Variants in SLC2A6 observed in about 807,000 individuals in gnomAD.
SLC2A6 encodes solute carrier family 2, facilitated glucose transporter member 6.
A neutral mutation model predicts 47.8 loss-of-function variants in SLC2A6; 39 were observed. That is an observed-to-expected ratio of 0.82 (90% CI 0.63 to 1.07). The LOEUF is 1.07. Ranked by LOEUF, SLC2A6 falls within the 50% of genes least tolerant of loss-of-function variation. SLC2A6 has a pLI of 0.00. For missense variants in SLC2A6, 650 were observed against 707.6 expected, an observed-to-expected ratio of 0.92 and a Z score of 0.92; for synonymous variants, 346 against 324.1, an observed-to-expected ratio of 1.07 and a Z score of -0.73.
chr9:133,471,780 T>A lies in SLC2A6; in HGVS notation c.*241A>T. ...TCCCTGGATGCAGGGTTGTATGCAC[T>A]CCTGCGGCCCATGGCTACGTGCAGC... On this transcript the variant is annotated 3_prime_UTR_variant, in exon 10 of 10. Transcript: ENST00000371899. 2.0e-6 allele frequency: 1 copy of A among 506,552 alleles called. No individual in the cohort carries two copies. The highest frequency in any genetic ancestry group is 3.5e-6 in the Non-Finnish European group (1 of 282,406). 31.4% of individuals were successfully genotyped at this position (506,552 alleles called of 1,614,324 possible).
chr9:133,474,131 T>G, intron 6 of SLC2A6, 43 bp from the exon 7 acceptor site: 5 of 1,468,496 alleles, frequency 3.4e-6, no homozygotes, highest in South Asian at 1.2e-5. Context: ...CTGCCTGCTG[T>G]TCCCATCCCC....
In SLC2A6 at chr9:133,477,084, C is replaced by A; in HGVS notation, c.413G>T (p.Gly138Val). Residue 138 changes from glycine to valine, a missense_variant, in exon 3 of 10, where the codon GGA becomes GTA. Physicochemically the swap from Gly to Val is moderately radical, Grantham distance 109. Coordinates refer to ENST00000371899, the MANE Select transcript of SLC2A6 (RefSeq NM_017585.4). ...GAHGLWMLLL[G>V]RTLTGFAGGL... ...CCCGGCGAAGCCCGTCAGCGTCCTT[C>A]CGAGCAGCAGCATCCAGAGGCCGTG... The A allele has an allele frequency of 6.5e-7, 1 of 1,546,668 alleles. No individual in the cohort carries two copies. The highest frequency in any genetic ancestry group is 8.7e-7 in the Non-Finnish European group (1 of 1,146,080).
chr9:133,472,025 C>T lies in SLC2A6; in HGVS notation c.1520G>A (p.Arg507His), dbSNP rs370809335. 28 of 1,612,322 alleles carry T rather than the reference C, an allele frequency of 1.7e-5. No individual in the cohort carries two copies. The highest frequency in any genetic ancestry group is 4.5e-5 in the East Asian group (2 of 44,852). The change falls in exon 10 of 10, where the codon CGC (arginine) becomes CAC (histidine). Residue 507 changes from arginine to histidine, a missense_variant. Coordinates refer to ENST00000371899, the MANE Select transcript of SLC2A6 (RefSeq NM_017585.4). ...CCTCCAGGCGGGGACCTTGACCTAG[C>T]GCAAGAAGGACCTTCTCCCCGTGCG... is the stretch of plus-strand genomic sequence containing the variant. The part of the protein sequence containing the change: ...FFRTGRRSFL[R>H]
At chr9:133,475,333 C>A in intron 5 of SLC2A6, 67 bp downstream of exon 5, 1 of 1,483,208 alleles carries the variant, frequency 6.7e-7, no homozygotes, top group East Asian at 2.3e-5. Context: ...GGAAAAGCCT[C>A]CACGGCCACA....
Position 133,475,440 on chromosome 9 carries a change from T to C in SLC2A6, c.734A>G (p.His245Arg), listed in dbSNP as rs781854256. 4 of 1,611,276 alleles carry C rather than the reference T, an allele frequency of 2.5e-6. No individual in the cohort carries two copies. Among genetic ancestry groups the C allele is most frequent in the South Asian group, 1.1e-5 (1 of 91,002 alleles). Residue 245 changes from histidine (H) to arginine (R), a missense_variant, in exon 5 of 10, where the codon CAC (histidine) becomes CGC (arginine). By Grantham distance (29) the His-to-Arg change is conservative (BLOSUM62 0). Coordinates refer to ENST00000371899, the MANE Select transcript of SLC2A6 (RefSeq NM_017585.4). ...GTCCTGGATCTGCTCGAACTCCCAG[T>C]GGACATCGACGTCCGTCCCACGCAG... ...AWLRGTDVDV[H>R]WEFEQIQDNV... is the part of the protein sequence containing the mutation.
intron 9 of SLC2A6, 76 bp downstream of exon 9, chr9:133,473,029 C>T (rs1843789476): frequency 2.0e-6 from 3 of 1,471,626 alleles, no homozygotes; most frequent in South Asian, 1.4e-5. Flanking sequence ...GGCCTTGGCA[C>T]AGCCCCTGGC....
intron 4 of SLC2A6, 145 bp from the exon 5 acceptor site, chr9:133,475,756 G>C: frequency 2.7e-6 from 2 of 751,946 alleles, no homozygotes; most frequent in Non-Finnish European, 4.2e-6. Flanking sequence ...GCCCCAGGCA[G>C]GGTGGGGCTG....
chr9:133,477,219 G>A lies in SLC2A6; in HGVS notation c.278C>T (p.Ala93Val), dbSNP rs1342905345. 9.7e-6 allele frequency: 15 copies of A among 1,550,798 alleles called. No individual in the cohort carries two copies. Among genetic ancestry groups the A allele is most frequent in the African/African-American group, 2.7e-5 (2 of 73,060 alleles). Residue 93 changes from alanine (A) to valine (V), a missense_variant, in exon 3 of 10, where the codon GCG (alanine) becomes GTG (valine). Transcript: ENST00000371899. ...WFGSVFTLGAAAGGLSAMILN... is the reference protein window; with the variant it reads ...WFGSVFTLGAVAGGLSAMILN... ...GATCATGGCACTCAGGCCTCCGGCC[G>A]CTGCTCCCAGGGTGAACACGGACTG... is the stretch of plus-strand genomic sequence containing the variant.
At chr9:133,476,426 G>A (rs782623278) in intron 3 of SLC2A6, 90 bp from the exon 4 acceptor site, 35 of 1,132,120 alleles carry the variant, frequency 3.1e-5, no homozygotes, top group Middle Eastern at 3.9e-4. Flanking sequence ...TGTGAACCCC[G>A]GAAAGTGGGA....
At chr9:133,478,947 C>T (rs1554804121) in intron 1 of SLC2A6, 21 bp downstream of exon 1, 1 of 1,544,952 alleles carries the variant, frequency 6.5e-7, no homozygotes. Flanking sequence ...CACCCGCAGC[C>T]CCCAACCTAG....
chr9:133,477,002 T>C (rs374484256), intron 3 of SLC2A6, 33 bp downstream of exon 3: 183 of 1,544,430 alleles, frequency 1.2e-4, no homozygotes, highest in African/African-American at 2.9e-4. Flanking sequence ...TACAGAGGCA[T>C]TGGGGCGCCT....
intron 1 of SLC2A6, chr9:133,478,688 G>T (rs1380265188): frequency 6.8e-6 from 4 of 590,750 alleles, no homozygotes; most frequent in Non-Finnish European, 1.2e-5. Flanking sequence ...GCGGCTGGAG[G>T]CTTGCTGTGT....
At chr9:133,475,835 G>A (rs1458361013) in intron 4 of SLC2A6, among the ~76,000 whole-genome samples, 2 of 152,248 alleles carry the variant, frequency 1.3e-5, no homozygotes, top group African/African-American at 4.8e-5. Flanking sequence ...GGCAGGATGA[G>A]GAAGGGGTAG....
At chr9:133,475,195 G>A in intron 5 of SLC2A6, 82 bp from the exon 6 acceptor site, 1 of 1,433,480 alleles carries the variant, frequency 7.0e-7, no homozygotes, top group Non-Finnish European at 9.1e-7. Flanking sequence ...CAGGGGTTGT[G>A]TGGGAGACCT....
rs950296006 is a variant in SLC2A6 at position 133,475,285 on chromosome 9, A to C, written c.774+115T>G. 206 of 1,361,540 alleles carry C rather than the reference A, an allele frequency of 1.5e-4. 1 individual carries two copies. The highest frequency in any genetic ancestry group is 2.8e-4 in the South Asian group (19 of 66,908). The allele number at this position is 1,361,540 out of a possible 1,614,324, so 84.3% of individuals were successfully genotyped here. ...AACAGCCCCCCACCCCAACCCAGGC[A>C]CTTGGATTAGTGGGAACTACTGTGG... is the stretch of plus-strand genomic sequence containing the variant. On this transcript the variant is annotated intron_variant, in intron 5 of 9. Coordinates refer to ENST00000371899, the MANE Select transcript of SLC2A6 (RefSeq NM_017585.4).
In SLC2A6 at chr9:133,477,058, C is replaced by G. The variant is rs888362107; in HGVS notation, c.439G>C (p.Gly147Arg). The change falls in exon 3 of 10, where the codon GGG (glycine) becomes CGG (arginine). Residue 147 changes from glycine to arginine, a missense_variant. Physicochemically the swap from Gly to Arg is moderately radical, Grantham distance 125. Transcript: ENST00000371899. ...ACCGGGATGCAGGCAGCTGTGAGCC[C>G]CCCGGCGAAGCCCGTCAGCGTCCTT... is the stretch of plus-strand genomic sequence containing the variant. ...LGRTLTGFAG[G>R]LTAACIPVYV... The G allele has an allele frequency of 6.5e-7, 1 of 1,546,632 alleles. No individual in the cohort carries two copies. Among genetic ancestry groups the G allele is most frequent in the African/African-American group, 1.4e-5 (1 of 72,840 alleles).
At chr9:133,477,009 G>A (rs782773587) in intron 3 of SLC2A6, 26 bp downstream of exon 3, 57 of 1,546,044 alleles carry the variant, frequency 3.7e-5, no homozygotes, top group South Asian at 8.3e-5. Context: ...GCATTGGGGC[G>A]CCTGGGTGGG....
chr9:133,475,757 G>A (rs1183385618), intron 4 of SLC2A6, 146 bp from the exon 5 acceptor site: 2 of 751,632 alleles, frequency 2.7e-6, no homozygotes, highest in East Asian at 2.7e-5. Context: ...CCCCAGGCAG[G>A]GTGGGGCTGC....
intron 9 of SLC2A6, 94 bp downstream of exon 9, chr9:133,473,011 T>C: frequency 1.5e-6 from 2 of 1,377,040 alleles, no homozygotes; most frequent in Non-Finnish European, 2.0e-6. Context: ...GTTAGGGTCC[T>C]GACAGCAGGC....
Sources: gnomAD v4.1 joint callset for allele counts (sites outside exome capture counted in the v4.1 genomes callset) on GRCh38, gnomAD v4.1.1 for gene constraint, MANE v1.5 for transcripts, NCBI Gene and HGNC (gene_info 2026-07-23, HGNC 2026-07-21) for gene names.